The following CRYL1 variants were observed in gnomAD, a reference collection of about 807,000 sequenced individuals.
CRYL1 encodes crystallin lambda 1, also known as lambda-crystallin homolog.
In CRYL1, 29 loss-of-function variants were observed where a neutral mutation model predicts 36.6. That is an observed-to-expected ratio of 0.79 (90% CI 0.59 to 1.08). The LOEUF is 1.08. CRYL1 is among the 50% of genes least tolerant of loss of function. CRYL1 has a pLI of 0.00. For synonymous variants in CRYL1, 152 were observed against 151.5 expected, an observed-to-expected ratio of 1.00 and a Z score of -0.02; for missense variants, 411 against 407.9, an observed-to-expected ratio of 1.01 and a Z score of -0.06.
intron 2 of CRYL1, among the ~76,000 whole-genome samples, chr13:20,493,011 G>T (rs2033540058): frequency 6.6e-6 from 1 of 152,222 alleles, no homozygotes; most frequent in Non-Finnish European, 1.5e-5. Flanking sequence ...GGGGATCCAA[G>T]TTCTCTTTTT....
intron 3 of CRYL1, among the ~76,000 whole-genome samples, chr13:20,454,648 T>C (rs2032642631): frequency 6.6e-6 from 1 of 152,150 alleles, no homozygotes; most frequent in South Asian, 2.1e-4. Flanking sequence ...CTCCATCTCC[T>C]GACCTCATGA....
At chr13:20,437,071 A>C (rs1043184100) in intron 4 of CRYL1, among the ~76,000 whole-genome samples, 6 of 151,976 alleles carry the variant, frequency 3.9e-5, no homozygotes, top group African/African-American at 1.4e-4. Context: ...CTGAGACAGG[A>C]GGCTTGCTTG....
At chr13:20,442,861 G>A (rs748533242) in intron 3 of CRYL1, among the ~76,000 whole-genome samples, 10 of 152,212 alleles carry the variant, frequency 6.6e-5, no homozygotes, top group African/African-American at 1.2e-4. Flanking sequence ...CCATCGGCAT[G>A]CCCTGATTTT....
At chr13:20,474,366 G>A (rs2033123421) in intron 3 of CRYL1, among the ~76,000 whole-genome samples, 1 of 152,142 alleles carries the variant, frequency 6.6e-6, no homozygotes, top group Non-Finnish European at 1.5e-5. Flanking sequence ...CATAGGGATG[G>A]GATGTAGGCT....
At chr13:20,504,269 G>T (rs1420595454) in intron 2 of CRYL1, among the ~76,000 whole-genome samples, 1 of 148,776 alleles carries the variant, frequency 6.7e-6, no homozygotes, top group African/African-American at 2.5e-5. Context: ...TTGTTTACTT[G>T]ATTTGCTTTT....
At chr13:20,458,718 A>C (rs2032738557) in intron 3 of CRYL1, among the ~76,000 whole-genome samples, 1 of 152,164 alleles carries the variant, frequency 6.6e-6, no homozygotes, top group Admixed American at 6.5e-5. Context: ...CAAGTGCTCA[A>C]AAGCCATGTG....
intron 6 of CRYL1, among the ~76,000 whole-genome samples, chr13:20,412,351 G>A (rs1219256092): frequency 6.6e-6 from 1 of 151,990 alleles, no homozygotes; most frequent in Non-Finnish European, 1.5e-5. Context: ...TTAAATGCAG[G>A]CCATGGAGCT....
intron 3 of CRYL1, among the ~76,000 whole-genome samples, chr13:20,459,105 G>A (rs546417854): frequency 6.6e-6 from 1 of 152,000 alleles, no homozygotes; most frequent in Admixed American, 6.5e-5. Context: ...GCGTGGTGGC[G>A]GGTGCCTGTA....
At position 20,502,253 on chromosome 13, in the gene CRYL1, A is replaced by ATGC. The variant is rs1565985604; in HGVS notation, c.149+10189_149+10190insGCA. On this transcript the variant is annotated intron_variant, in intron 2 of 7. Coordinates refer to ENST00000298248, the MANE Select transcript of CRYL1 (RefSeq NM_015974.3). ...TTAAATGCACTGTAGGAAGAAAGAAAACTACCTTCTGTCGCACAGGAGGGC... is the reference window on the plus strand; with the variant it reads ...TTAAATGCACTGTAGGAAGAAAGAAATGCACTACCTTCTGTCGCACAGGAGGGC... The ATGC allele has an allele frequency of 2.6e-5, 4 of 152,360 alleles. No homozygotes were observed. In the South Asian group the frequency reaches 8.3e-4, roughly 32 times the overall value. The allele number at this position is 152,360 out of a possible 1,614,324, so 9.4% of individuals were successfully genotyped here. A position where few individuals can be genotyped will look rare whatever the true frequency, so the allele number is the denominator to read the frequency against.
intron 3 of CRYL1, among the ~76,000 whole-genome samples, chr13:20,475,353 C>T (rs2033145044): frequency 6.6e-6 from 1 of 152,200 alleles, no homozygotes; most frequent in Non-Finnish European, 1.5e-5. Context: ...TTTATCCTGT[C>T]ATTTCTAAAC....
chr13:20,404,793 G>T, intron 6 of CRYL1, 52 bp from the exon 7 acceptor site: 1 of 1,276,126 alleles, frequency 7.8e-7, no homozygotes, highest in Non-Finnish European at 1.1e-6. Context: ...AACATTCTTA[G>T]TTATATTCAA....
chr13:20,516,562 C>G (rs2034001718), intron 1 of CRYL1, among the ~76,000 whole-genome samples: 1 of 151,740 alleles, frequency 6.6e-6, no homozygotes, highest in Admixed American at 6.5e-5. Context: ...TCACTGCAAG[C>G]TCCGCCTCCT....
intron 6 of CRYL1, among the ~76,000 whole-genome samples, chr13:20,411,974 T>C (rs2031534379): frequency 6.6e-6 from 1 of 152,206 alleles, no homozygotes; most frequent in South Asian, 2.1e-4. Context: ...CTGTGAAAAT[T>C]GACTGAACTA....
intron 2 of CRYL1, among the ~76,000 whole-genome samples, chr13:20,506,691 G>GT (rs1448237677): frequency 2.0e-5 from 3 of 152,168 alleles, no homozygotes; most frequent in Non-Finnish European, 4.4e-5. Context: ...ATTAGGAACC[G>GT]TGGGATTTTC....
chr13:20,431,802 A>G (rs4578496), intron 5 of CRYL1: 606,497 of 1,303,668 alleles, frequency 0.47, 144,099 homozygotes, highest in East Asian at 0.53. Context: ...AGTGGGCCAC[A>G]TAGGTTATTA....
rs1004856443 is a variant in CRYL1, at chr13:20,403,730, C to T, written c.*399G>A. On this transcript the variant is annotated 3_prime_UTR_variant, in exon 8 of 8. Coordinates refer to ENST00000298248, the MANE Select transcript of CRYL1 (RefSeq NM_015974.3). ...GTTAGCAAAATGAAGGTAGGTGCCT[C>T]ATAAATGCAGGGCCCCAGAGTACTC... The T allele has an allele frequency of 6.4e-6, 1 of 155,854 alleles. No homozygotes were observed. Among genetic ancestry groups the T allele is most frequent in the Non-Finnish European group, 1.4e-5 (1 of 70,782 alleles). The allele number at this position is 155,854 out of a possible 1,614,324, so 9.7% of individuals were successfully genotyped here.
chr13:20,468,947 G>A (rs4573790), intron 3 of CRYL1, among the ~76,000 whole-genome samples: 125,181 of 152,016 alleles, frequency 0.82, 51,679 homozygotes, highest in Admixed American at 0.87. Context: ...GCTATGAGTC[G>A]GAGAGCGATC....
At chr13:20,457,644 A>C (rs2032719087) in intron 3 of CRYL1, among the ~76,000 whole-genome samples, 1 of 152,202 alleles carries the variant, frequency 6.6e-6, no homozygotes. Flanking sequence ...CGGTGTCATA[A>C]GACAAATCTG....
intron 5 of CRYL1, among the ~76,000 whole-genome samples, chr13:20,422,101 G>A (rs2031831187): frequency 6.6e-6 from 1 of 152,168 alleles, no homozygotes; most frequent in Non-Finnish European, 1.5e-5. Context: ...GCTCACACCT[G>A]TAATCCTAGC....
Sources: gnomAD v4.1 joint callset for allele counts (sites outside exome capture counted in the v4.1 genomes callset) on GRCh38, gnomAD v4.1.1 for gene constraint, MANE v1.5 for transcripts, NCBI Gene and HGNC (gene_info 2026-07-23, HGNC 2026-07-21) for gene names.